NT5M: variants seen among roughly 807,000 people sequenced by gnomAD.
NT5M encodes the protein 5',3'-nucleotidase, mitochondrial.
NT5M carries 22 observed loss-of-function variants against 22.2 expected under a neutral mutation model. The ratio of observed to expected loss-of-function variants is 0.99; its 90% confidence interval spans 0.71 to 1.41. The LOEUF (loss-of-function observed/expected upper bound fraction) is 1.41, where lower values mean the gene tolerates loss of function less well. Ranked by LOEUF, NT5M falls within the 40% of genes most tolerant of loss-of-function variation. The probability of loss-of-function intolerance (pLI) is 0.00; values close to 1 mark genes in which losing one functional copy is unlikely to be tolerated. For missense variants in NT5M, 322 were observed against 314.8 expected, an observed-to-expected ratio of 1.02 and a Z score of -0.17; for synonymous variants, 167 against 133.0, an observed-to-expected ratio of 1.26 and a Z score of -1.76.
intron 2 of NT5M, among the ~76,000 whole-genome samples, chr17:17,317,270 C>T (rs560745761): frequency 3.3e-5 from 5 of 151,828 alleles, no homozygotes; most frequent in East Asian, 3.9e-4. Context: ...AGGTTAGTCT[C>T]GATCTCCTGA....
chr17:17,347,055 C>A lies in NT5M; in HGVS notation c.*108C>A. ...TGGGAGTCCCTCCTAGACTCCTGGG[C>A]CCCATGACCTCCTGCTGCATGTCCC... On this transcript the variant is annotated 3_prime_UTR_variant, in exon 5 of 5. Transcript: ENST00000389022. 7.4e-7 allele frequency: 1 copy of A among 1,346,208 alleles called. No homozygotes were observed. Among genetic ancestry groups the A allele is most frequent in the Non-Finnish European group, 1.0e-6 (1 of 995,252 alleles). The allele number at this position is 1,346,208 out of a possible 1,614,324, so 83.4% of individuals were successfully genotyped here.
intron 3 of NT5M, among the ~76,000 whole-genome samples, chr17:17,337,501 C>G: frequency 6.6e-6 from 1 of 151,778 alleles, no homozygotes; most frequent in East Asian, 1.9e-4. Flanking sequence ...ACTTCCCAGG[C>G]TCAATCAATC....
chr17:17,340,727 A>G (rs1340534282), intron 3 of NT5M, among the ~76,000 whole-genome samples: 3 of 151,862 alleles, frequency 2.0e-5, no homozygotes, highest in Non-Finnish European at 2.9e-5. Flanking sequence ...GGGTTTCACC[A>G]TGTTGGCCAG....
At position 17,336,662 on chromosome 17, in the gene NT5M, T is replaced by A. The variant is rs554890577; in HGVS notation, c.430-8132T>A. 7.9e-5 allele frequency among the ~76,000 whole-genome samples: 12 copies of A among 151,968 alleles called. No individual in the cohort carries two copies. In the South Asian group the frequency reaches 2.3e-3, roughly 29 times the overall value. Reference sequence around the variant, plus strand: ...GCCTCCCGGGTTCAAGTGATTCTCCTGCCTCAGCCACCTGAGTAGCTGGGA... The same window carrying A: ...GCCTCCCGGGTTCAAGTGATTCTCCAGCCTCAGCCACCTGAGTAGCTGGGA... On this transcript the variant is annotated intron_variant, in intron 3 of 4. Coordinates refer to ENST00000389022, the MANE Select transcript of NT5M (RefSeq NM_020201.4).
intron 3 of NT5M, among the ~76,000 whole-genome samples, chr17:17,333,959 G>A (rs988505585): frequency 2.0e-5 from 3 of 150,306 alleles, no homozygotes; most frequent in African/African-American, 4.9e-5. Context: ...TCAGCCTCCC[G>A]AGTAGCTGGG....
chr17:17,312,360 G>A (rs115301888), intron 2 of NT5M, among the ~76,000 whole-genome samples: 2,167 of 152,188 alleles, frequency 0.014, 64 homozygotes, highest in African/African-American at 0.044. Context: ...GTATTCTAGC[G>A]GCCAGGCACG....
chr17:17,345,250 C>A, intron 4 of NT5M: 1 of 1,096,756 alleles, frequency 9.1e-7, no homozygotes, highest in Non-Finnish European at 1.1e-6. Flanking sequence ...TTTTTTCCCC[C>A]AAAAGCAATG....
chr17:17,346,810 G>T lies in NT5M; in HGVS notation c.550G>T (p.Glu184Ter). The change falls in exon 5 of 5, where the codon GAG becomes TAG. Residue 184 changes from glutamate to a stop codon, truncating the protein, a stop_gained. Coordinates refer to ENST00000389022, the MANE Select transcript of NT5M (RefSeq NM_020201.4). LOFTEE classifies it high-confidence loss of function. ...IDDRPDITGA[E>*]PTPSWEHVLF... Reference sequence around the variant, plus strand: ...TGCCGCTTTCCCACCCACAGGGGCCGAGCCAACCCCCAGCTGGGAGCATGT... The same window carrying T: ...TGCCGCTTTCCCACCCACAGGGGCCTAGCCAACCCCCAGCTGGGAGCATGT... 1 of 1,607,164 alleles carries T rather than the reference G, an allele frequency of 6.2e-7. No individual in the cohort carries two copies.
chr17:17,325,384 T>C (rs2049244267), intron 3 of NT5M, among the ~76,000 whole-genome samples: 1 of 152,160 alleles, frequency 6.6e-6, no homozygotes, highest in Admixed American at 6.5e-5. Context: ...ATGGCAGTGC[T>C]GTCTGGTGGC....
chr17:17,340,476 ATTCATTT>A (rs1407078758), intron 3 of NT5M, among the ~76,000 whole-genome samples: 1 of 149,876 alleles, frequency 6.7e-6, no homozygotes, highest in Admixed American at 6.7e-5. Context: ...TTTATTTCAT[ATTCATTT>A]ATTTCTGCTC....
At chr17:17,342,701 G>A (rs2049670925) in intron 3 of NT5M, among the ~76,000 whole-genome samples, 1 of 152,172 alleles carries the variant, frequency 6.6e-6, no homozygotes, top group Admixed American at 6.5e-5. Context: ...GAATGTTCTT[G>A]CCGACCTGTG....
chr17:17,340,826 C>G (rs550921973), intron 3 of NT5M, among the ~76,000 whole-genome samples: 1 of 152,070 alleles, frequency 6.6e-6, no homozygotes, highest in South Asian at 2.1e-4. Context: ...GCCCGGCCTG[C>G]TCTTGTTTTT....
chr17:17,335,529 A>G (rs1229621486), intron 3 of NT5M, among the ~76,000 whole-genome samples: 3 of 152,212 alleles, frequency 2.0e-5, no homozygotes, highest in Admixed American at 6.5e-5. Flanking sequence ...CAGGCATGCA[A>G]TGTGTAACAA....
At chr17:17,324,223 C>G (rs1240565320) in intron 3 of NT5M, among the ~76,000 whole-genome samples, 1 of 151,158 alleles carries the variant, frequency 6.6e-6, no homozygotes, top group Non-Finnish European at 1.5e-5. Flanking sequence ...GTGGCTCACG[C>G]CTGTAATCCC....
intron 3 of NT5M, among the ~76,000 whole-genome samples, chr17:17,343,838 A>C (rs2049699572): frequency 6.6e-6 from 1 of 152,198 alleles, no homozygotes; most frequent in Non-Finnish European, 1.5e-5. Flanking sequence ...CAGTGTCAGA[A>C]ATCAACAAGG....
chr17:17,325,736 G>GC (rs751870265), intron 3 of NT5M, among the ~76,000 whole-genome samples: 1 of 152,034 alleles, frequency 6.6e-6, no homozygotes, highest in African/African-American at 2.4e-5. Context: ...CACCCACTGT[G>GC]CCCCCCTCTC....
chr17:17,335,459 T>C (rs569501933), intron 3 of NT5M, among the ~76,000 whole-genome samples: 2 of 152,052 alleles, frequency 1.3e-5, no homozygotes, highest in South Asian at 4.2e-4. Flanking sequence ...AATTTTAATT[T>C]TTAATTTTTG....
chr17:17,317,094 G>C (rs2049048340), intron 2 of NT5M, among the ~76,000 whole-genome samples: 1 of 147,670 alleles, frequency 6.8e-6, no homozygotes, highest in South Asian at 2.2e-4. Flanking sequence ...CTGTCGCCCA[G>C]GCTGGAGTGC....
chr17:17,338,143 G>A (rs2049556473), intron 3 of NT5M, among the ~76,000 whole-genome samples: 1 of 151,204 alleles, frequency 6.6e-6, no homozygotes, highest in African/African-American at 2.4e-5. Context: ...TGGCACCTTT[G>A]TCAAAAATGA....
Sources: gnomAD v4.1 joint callset for allele counts (sites outside exome capture counted in the v4.1 genomes callset) on GRCh38, gnomAD v4.1.1 for gene constraint, MANE v1.5 for transcripts, NCBI Gene and HGNC (gene_info 2026-07-23, HGNC 2026-07-21) for gene names.